Variants in MIER3 observed in about 807,000 individuals in gnomAD.
The protein encoded by MIER3 is MIER family member 3.
Under a neutral mutation model 63.2 loss-of-function variants are expected in MIER3, and 9 were observed. The ratio of observed to expected loss-of-function variants is 0.14; its 90% CI spans 0.09 to 0.25. MIER3 has a LOEUF of 0.25. Ranked by LOEUF, MIER3 falls within the 10% of genes least tolerant of loss-of-function variation. The pLI is 1.00. For synonymous variants in MIER3, 205 were observed against 224.9 expected (o/e 0.91, Z 0.79); for missense variants, 512 against 666.2 (o/e 0.77, Z 2.55).
chr5:56,951,798 C>T (rs919347756), intron 1 of MIER3, among the ~76,000 whole-genome samples: 2 of 151,460 alleles, frequency 1.3e-5, no homozygotes, highest in South Asian at 4.1e-4. Flanking sequence ...ACTGCCTCGT[C>T]CCTGGGGCAG....
Position 56,923,393 on chromosome 5 carries a change from G to A in MIER3, c.1388C>T (p.Ser463Leu), listed in dbSNP as rs201737935. ...GCACATGTTCATAGGGTTTAGCTCC[G>A]AGTGATAAAATCCAGTCTCAAATAA... Reference protein sequence around the residue: ...FNLFETGFYHSELNPMNMCSE... With the variant: ...FNLFETGFYHLELNPMNMCSE... Residue 463 changes from serine to leucine, a missense_variant, in exon 13 of 13, where the codon TCG (serine) becomes TTG (leucine). Ser to Leu is a moderately radical substitution (Grantham distance 145). This residue lies in a region of MIER3 where 218 missense variants were observed against 251.2 expected (regional missense o/e 0.87). Transcript: ENST00000381199. 7.4e-6 allele frequency: 12 copies of A among 1,614,138 alleles called. No individual in the cohort carries two copies. The highest frequency in any genetic ancestry group is 1.0e-5 in the Non-Finnish European group (12 of 1,180,024).
intron 3 of MIER3, among the ~76,000 whole-genome samples, chr5:56,940,187 T>C (rs943430611): frequency 2.6e-5 from 4 of 152,186 alleles, no homozygotes; most frequent in African/African-American, 4.8e-5. Context: ...AAAAAAGAAC[T>C]ATTTATCATT....
Position 56,923,758 on chromosome 5 carries a change from G to C in MIER3, c.1128C>G (p.Asn376Lys). Residue 376 changes from asparagine (N) to lysine (K), a missense_variant, in exon 12 of 13, where the codon AAC (asparagine) becomes AAG (lysine). Asn to Lys is a moderately conservative substitution (Grantham distance 94, BLOSUM62 0). Coordinates refer to ENST00000381199, the MANE Select transcript of MIER3 (RefSeq NM_001297599.2). ...GTVNASALTS[N>K]RPEPIPDQQL... is the part of the protein sequence containing the mutation. The stretch of plus-strand genomic sequence containing the variant: ...GTTGATCAGGAATAGGCTCAGGCCG[G>C]TTAGAAGTTAAGGCTGAAGCATTTA... 1 of 1,614,152 alleles carries C rather than the reference G, an allele frequency of 6.2e-7. No individual in the cohort carries two copies. Among genetic ancestry groups the C allele is most frequent in the Non-Finnish European group, 8.5e-7 (1 of 1,180,024 alleles).
chr5:56,942,863 G>A (rs1750695037), intron 3 of MIER3, among the ~76,000 whole-genome samples: 1 of 152,196 alleles, frequency 6.6e-6, no homozygotes, highest in African/African-American at 2.4e-5. Context: ...TTGGTGACCT[G>A]GGACAAGCGC....
chr5:56,935,786 C>T (rs1442283911), intron 5 of MIER3, 35 bp from the exon 6 acceptor site: 4 of 1,531,432 alleles, frequency 2.6e-6, no homozygotes, highest in Middle Eastern at 1.7e-4. Flanking sequence ...TTTTTACTGC[C>T]TATTTTTGCA....
At chr5:56,936,032 G>A (rs1750432011) in intron 5 of MIER3, among the ~76,000 whole-genome samples, 1 of 152,064 alleles carries the variant, frequency 6.6e-6, no homozygotes, top group Non-Finnish European at 1.5e-5. Flanking sequence ...TTTAAGACCA[G>A]CCTGGCCGAC....
chr5:56,923,471 A>C lies in MIER3; in HGVS notation c.1310T>G (p.Val437Gly). Residue 437 changes from valine (V) to glycine (G), a missense_variant, in exon 13 of 13, where the codon GTA becomes GGA. Val to Gly is a moderately radical substitution (Grantham distance 109). This residue lies in a region of MIER3 where 218 missense variants were observed against 251.2 expected (regional missense o/e 0.87). Transcript: ENST00000381199. ...PRGQVNHVPV[V>G]TEELLTLPSN... The stretch of plus-strand genomic sequence containing the variant: ...GGGCAGGGTGAGTAACTCTTCTGTT[A>C]CAACAGGCACATGATTAACTTGTCC... 1.2e-6 allele frequency: 2 copies of C among 1,614,196 alleles called. No individual in the cohort carries two copies. Among genetic ancestry groups the C allele is most frequent in the East Asian group, 2.2e-5 (1 of 44,882 alleles).
At chr5:56,940,119 CA>C (rs1365894005) in intron 3 of MIER3, among the ~76,000 whole-genome samples, 1 of 152,172 alleles carries the variant, frequency 6.6e-6, no homozygotes, top group Non-Finnish European at 1.5e-5. Context: ...CACTTGAGGT[CA>C]GGAGTTCGAG....
intron 3 of MIER3, among the ~76,000 whole-genome samples, chr5:56,940,338 AG>A (rs1346952115): frequency 2.0e-5 from 3 of 152,228 alleles, no homozygotes; most frequent in Non-Finnish European, 4.4e-5. Context: ...TAATCCGTAA[AG>A]CAAACAACAT....
chr5:56,942,124 G>C (rs1362253160), intron 3 of MIER3, among the ~76,000 whole-genome samples: 1 of 152,200 alleles, frequency 6.6e-6, no homozygotes, highest in Non-Finnish European at 1.5e-5. Context: ...CTGGAGCTCA[G>C]AGAACCAGGC....
chr5:56,948,287 C>T (rs1175651078), intron 2 of MIER3, among the ~76,000 whole-genome samples: 1 of 152,114 alleles, frequency 6.6e-6, no homozygotes, highest in African/African-American at 2.4e-5. Context: ...TATTTTTTGG[C>T]AGGTTTACAT....
In MIER3 at chr5:56,950,613, G is replaced by T; in HGVS notation, c.34+15C>A. ...CCACTGGGAACCACCGAAGACGTAAGAAAATAGGACAAACCTGGGCTCGAA... is the reference window on the plus strand; with the variant it reads ...CCACTGGGAACCACCGAAGACGTAATAAAATAGGACAAACCTGGGCTCGAA... On this transcript the variant is annotated intron_variant, in intron 2 of 12. Coordinates refer to ENST00000381199, the MANE Select transcript of MIER3 (RefSeq NM_001297599.2). 1 of 1,614,024 alleles carries T rather than the reference G, an allele frequency of 6.2e-7. No homozygotes were observed. The highest frequency in any genetic ancestry group is 8.5e-7 in the Non-Finnish European group (1 of 1,179,948).
At chr5:56,935,807 G>A in intron 5 of MIER3, 56 bp from the exon 6 acceptor site, 2 of 1,302,032 alleles carry the variant, frequency 1.5e-6, no homozygotes, top group South Asian at 2.4e-5. Context: ...GAACCTGGAA[G>A]AATGCCTGTT....
In MIER3 at chr5:56,923,443, G is replaced by A; in HGVS notation, c.1338C>T (p.Ser446=). 2 of 1,614,130 alleles carry A rather than the reference G, an allele frequency of 1.2e-6. No individual in the cohort carries two copies. The highest frequency in any genetic ancestry group is 1.7e-6 in the Non-Finnish European group (2 of 1,180,024). Residue 446 remains serine (S), a synonymous_variant, in exon 13 of 13, where the codon AGC becomes AGT. Coordinates refer to ENST00000381199, the MANE Select transcript of MIER3 (RefSeq NM_001297599.2). ...VVTEELLTLP[S]NGESDCFNLF... ...AATTAAAACAATCACTTTCCCCATT[G>A]CTGGGCAGGGTGAGTAACTCTTCTG... is the stretch of plus-strand genomic sequence containing the variant.
chr5:56,930,281 C>T lies in MIER3; in HGVS notation c.829+383G>A, dbSNP rs77731545. ...AATAAATTCAGCGGAATATATTATA[C>T]ATGTTTCTTTTTTAATCTTTAATCT... On this transcript the variant is annotated intron_variant, in intron 9 of 12. Coordinates refer to ENST00000381199, the MANE Select transcript of MIER3 (RefSeq NM_001297599.2). Among the ~76,000 whole-genome samples, 1,486 of 151,490 alleles carry T rather than the reference C, an allele frequency of 9.8e-3. 22 individuals are homozygous for T. Among genetic ancestry groups the T allele is most frequent in the African/African-American group, 0.035 (1,432 of 41,274 alleles).
intron 3 of MIER3, among the ~76,000 whole-genome samples, chr5:56,943,537 AG>A (rs1750723912): frequency 1.3e-5 from 2 of 152,300 alleles, no homozygotes; most frequent in South Asian, 4.1e-4. Flanking sequence ...CCATCTGTTG[AG>A]GGACAAGATG....
At chr5:56,935,864 C>T in intron 5 of MIER3, 113 bp from the exon 6 acceptor site, 1 of 717,426 alleles carries the variant, frequency 1.4e-6, no homozygotes. Flanking sequence ...CATAAGTATA[C>T]TAAACCACCT....
In MIER3 at chr5:56,923,816, A is replaced by G. The variant is rs1749811178; in HGVS notation, c.1070T>C (p.Leu357Ser). Reference sequence around the variant, plus strand: ...ACCCAAAGCTTCTGTTTCATCTACTAAACGATCCATATAGTCCCTGAAAAA... The same window carrying G: ...ACCCAAAGCTTCTGTTTCATCTACTGAACGATCCATATAGTCCCTGAAAAA... The part of the protein sequence containing the change: ...HPGVTDYMDR[L>S]VDETEALGGT... The change falls in exon 12 of 13, where the codon TTA (leucine) becomes TCA (serine). Residue 357 changes from leucine (L) to serine (S), a missense_variant. By Grantham distance (145) the Leu-to-Ser change is moderately radical. Around this residue, in one of 5 missense-constraint regions of MIER3, gnomAD observed 218 missense variants for 251.2 expected, o/e 0.87. Transcript: ENST00000381199. The G allele has an allele frequency of 1.2e-6, 2 of 1,614,200 alleles. No individual in the cohort carries two copies. The highest frequency in any genetic ancestry group is 1.7e-6 in the Non-Finnish European group (2 of 1,180,014).
At chr5:56,927,148 T>C (rs535020230) in intron 10 of MIER3, among the ~76,000 whole-genome samples, 1 of 152,256 alleles carries the variant, frequency 6.6e-6, no homozygotes, top group Non-Finnish European at 1.5e-5. Flanking sequence ...GAAGCTACTC[T>C]GTATGATACT....
Sources: allele counts gnomAD v4.1 joint callset (sites outside exome capture counted in the v4.1 genomes callset), GRCh38; gene constraint gnomAD v4.1.1; regional missense constraint gnomAD v4.1.1; transcripts MANE v1.5; gene names NCBI Gene and HGNC (gene_info 2026-07-23, HGNC 2026-07-21).